LRPPRC: variants seen among roughly 807,000 people sequenced by gnomAD.
LRPPRC encodes the protein leucine rich pentatricopeptide repeat containing, also known as leucine-rich PPR motif-containing protein, mitochondrial.
LRPPRC carries 120 observed loss-of-function variants against 180.3 expected under a neutral mutation model. The observed-to-expected ratio is 0.67, with a 90% CI of 0.57 to 0.77. The LOEUF (loss-of-function observed/expected upper bound fraction) is 0.77. Among genes scored for constraint, LRPPRC ranks in the 30% least tolerant of loss-of-function variants. The probability of loss-of-function intolerance (pLI) is 0.00; values close to 1 mark genes in which losing one functional copy is unlikely to be tolerated. For missense variants in LRPPRC, 2,012 were observed against 1,657.2 expected (o/e 1.21, Z -3.72); for synonymous variants, 723 against 600.0 (o/e 1.21, Z -3.00).
intron 23 of LRPPRC, among the ~76,000 whole-genome samples, chr2:43,942,995 G>A (rs899441763): frequency 1.3e-5 from 2 of 151,856 alleles, no homozygotes; most frequent in African/African-American, 4.8e-5. Flanking sequence ...GTTAAGCTAT[G>A]AAAAAGCTGA....
chr2:43,972,145 T>G (rs1474319538), intron 11 of LRPPRC, among the ~76,000 whole-genome samples: 2 of 152,172 alleles, frequency 1.3e-5, no homozygotes, highest in East Asian at 3.8e-4. Flanking sequence ...ACAGAAACCC[T>G]CTATTCTAAT....
intron 16 of LRPPRC, among the ~76,000 whole-genome samples, chr2:43,949,347 T>A (rs568239822): frequency 1.2e-3 from 181 of 152,150 alleles, no homozygotes; most frequent in Non-Finnish European, 1.3e-3. Flanking sequence ...CCTATTTCCA[T>A]AGATGTTAGA....
intron 14 of LRPPRC, among the ~76,000 whole-genome samples, chr2:43,951,075 CCA>C (rs920596715): frequency 9.9e-5 from 15 of 152,134 alleles, no homozygotes; most frequent in African/African-American, 3.6e-4. Context: ...AAGTGACTGC[CCA>C]CAGATTGCTT....
chr2:43,925,204 A>G (rs1671834117), intron 26 of LRPPRC, 47 bp from the exon 27 acceptor site: 4 of 960,988 alleles, frequency 4.2e-6, no homozygotes, highest in South Asian at 1.3e-5. Flanking sequence ...TAAAGGATGT[A>G]TTTTACAGTT....
chr2:43,984,400 G>C (rs1388567754), intron 1 of LRPPRC, among the ~76,000 whole-genome samples: 1 of 152,132 alleles, frequency 6.6e-6, no homozygotes, highest in Non-Finnish European at 1.5e-5. Flanking sequence ...TCAAATTTCA[G>C]GCAGAAAACA....
rs568552824 is a variant in LRPPRC at position 43,938,430 on chromosome 2, A to G, written c.2505-3552T>C. The stretch of plus-strand genomic sequence containing the variant: ...TATATGAGATAGGCTGGGTCCAGCA[A>G]GAAATTTGGAAACTTAAAATAGAGT... On this transcript the variant is annotated intron_variant, in intron 23 of 37. Coordinates refer to ENST00000260665, the MANE Select transcript of LRPPRC (RefSeq NM_133259.4). 1.8e-3 allele frequency among the ~76,000 whole-genome samples: 281 copies of G among 152,336 alleles called. 3 individuals are homozygous for G. The highest frequency in any genetic ancestry group is 2.9e-3 in the Non-Finnish European group (197 of 68,020).
At chr2:43,931,821 G>C (rs1420799783) in intron 25 of LRPPRC, among the ~76,000 whole-genome samples, 1 of 152,060 alleles carries the variant, frequency 6.6e-6, no homozygotes, top group African/African-American at 2.4e-5. Context: ...GAAACCTCCA[G>C]AATGAAGCTC....
chr2:43,920,493 C>A (rs1003272086), intron 27 of LRPPRC, among the ~76,000 whole-genome samples: 1 of 152,042 alleles, frequency 6.6e-6, no homozygotes, highest in African/African-American at 2.4e-5. Flanking sequence ...CAGAAATTAA[C>A]CTAAAGTGCA....
At chr2:43,939,880 G>T (rs948224312) in intron 23 of LRPPRC, among the ~76,000 whole-genome samples, 1 of 152,118 alleles carries the variant, frequency 6.6e-6, no homozygotes, top group Non-Finnish European at 1.5e-5. Context: ...ACTGGAAGTC[G>T]GTGTTAAACA....
At chr2:43,952,347 G>A (rs1215821856) in intron 14 of LRPPRC, among the ~76,000 whole-genome samples, 2 of 152,162 alleles carry the variant, frequency 1.3e-5, no homozygotes, top group Admixed American at 1.3e-4. Flanking sequence ...AAGCTTCATG[G>A]TGAATGCCAC....
intron 36 of LRPPRC, chr2:43,892,735 G>A (rs1670535839): frequency 6.6e-6 from 1 of 151,950 alleles, no homozygotes; most frequent in Non-Finnish European, 1.5e-5. Flanking sequence ...ATGATACAGA[G>A]AAGATTAGCA....
chr2:43,939,479 GAAAAAAGTTT>G (rs1413256434), intron 23 of LRPPRC, among the ~76,000 whole-genome samples: 1 of 151,612 alleles, frequency 6.6e-6, no homozygotes, highest in African/African-American at 2.4e-5. Flanking sequence ...TGTGGGGGGA[GAAAAAAGTTT>G]AAAAAAGAAA....
rs373471304 is a variant in LRPPRC, at chr2:43,917,529, C to T, written c.3148+496G>A. ...TTCCGGCCAGGCATGGTGGCTGATG[C>T]CTATAATCCCAGCACTTTGGGAGGC... is the stretch of plus-strand genomic sequence containing the variant. On this transcript the variant is annotated intron_variant, in intron 29 of 37. Coordinates refer to ENST00000260665, the MANE Select transcript of LRPPRC (RefSeq NM_133259.4). Among the ~76,000 whole-genome samples, 99 of 150,046 alleles carry T rather than the reference C, an allele frequency of 6.6e-4. 2 individuals are homozygous for T. The South Asian group carries it at 0.02, about 31-fold the overall frequency.
In LRPPRC at chr2:43,886,371, G is replaced by A. The variant is rs1670271139; in HGVS notation, c.*2229C>T. 1 of 152,104 alleles carries A rather than the reference G, an allele frequency of 6.6e-6. No individual in the cohort carries two copies. The highest frequency in any genetic ancestry group is 2.4e-5 in the African/African-American group (1 of 41,412). The allele number at this position is 152,104 out of a possible 1,614,324, so 9.4% of individuals were successfully genotyped here. A position where few individuals can be genotyped will look rare whatever the true frequency, so the allele number is the denominator to read the frequency against. On this transcript the variant is annotated 3_prime_UTR_variant, in exon 38 of 38. Transcript: ENST00000260665. ...AGAATTAGCTGCTTATAATTTGAGT[G>A]TAAATGTATTACAGAAAGCTGCTAA...
chr2:43,958,030 A>T (rs1559011000), intron 13 of LRPPRC, among the ~76,000 whole-genome samples: 1 of 152,176 alleles, frequency 6.6e-6, no homozygotes, highest in Non-Finnish European at 1.5e-5. Context: ...TTTTCTGAGT[A>T]TTTGTTTGCT....
intron 12 of LRPPRC, among the ~76,000 whole-genome samples, chr2:43,961,148 T>C (rs1317351887): frequency 6.6e-6 from 1 of 152,134 alleles, no homozygotes; most frequent in Admixed American, 6.5e-5. Flanking sequence ...AAATAAATTA[T>C]GGCATACCCA....
At chr2:43,941,539 C>T (rs1672481185) in intron 23 of LRPPRC, among the ~76,000 whole-genome samples, 2 of 152,022 alleles carry the variant, frequency 1.3e-5, no homozygotes, top group South Asian at 2.1e-4. Context: ...ATCGAATACA[C>T]GTGGACTTTT....
At chr2:43,961,504 C>G (rs1031328133) in intron 12 of LRPPRC, among the ~76,000 whole-genome samples, 7 of 152,156 alleles carry the variant, frequency 4.6e-5, no homozygotes, top group African/African-American at 1.4e-4. Context: ...TAGTATACAT[C>G]TGAAAGAACA....
intron 27 of LRPPRC, among the ~76,000 whole-genome samples, chr2:43,918,792 GATATATATATA>G (rs1671576879): frequency 1.1e-4 from 5 of 45,092 alleles, no homozygotes; most frequent in African/African-American, 8.1e-4. Flanking sequence ...TATATATATA[GATATATATATA>G]TATATAGATA....
Sources: allele counts gnomAD v4.1 joint callset (sites outside exome capture counted in the v4.1 genomes callset), GRCh38; gene constraint gnomAD v4.1.1; transcripts MANE v1.5; gene names NCBI Gene and HGNC (gene_info 2026-07-23, HGNC 2026-07-21).